Variants in SGPL1 observed in about 807,000 individuals in gnomAD.
SGPL1 encodes sphingosine-1-phosphate lyase 1, also known as SP-lyase 1.
A neutral mutation model predicts 68.9 loss-of-function variants in SGPL1; 37 were observed. The ratio of observed to expected loss-of-function variants is 0.54; its 90% CI spans 0.41 to 0.71. SGPL1 has a LOEUF of 0.71. Ranked by LOEUF, SGPL1 falls within the 30% of genes least tolerant of loss-of-function variation. The pLI is 0.00. For synonymous variants in SGPL1, 236 were observed against 248.5 expected (o/e 0.95, Z 0.47); for missense variants, 551 against 704.6 (o/e 0.78, Z 2.47).
intron 5 of SGPL1, among the ~76,000 whole-genome samples, chr10:70,856,225 A>G (rs1845961295): frequency 6.6e-6 from 1 of 152,162 alleles, no homozygotes; most frequent in Non-Finnish European, 1.5e-5. Flanking sequence ...CGAACTCCTG[A>G]ACTCAGGTGA....
chr10:70,836,635 G>A (rs1271707945), intron 2 of SGPL1, among the ~76,000 whole-genome samples: 1 of 152,046 alleles, frequency 6.6e-6, no homozygotes, highest in Admixed American at 6.5e-5. Context: ...GAGTGCAGTA[G>A]CATGCTCATA....
At chr10:70,872,447 T>G (rs79739798) in intron 11 of SGPL1, among the ~76,000 whole-genome samples, 10,088 of 152,142 alleles carry the variant, frequency 0.066, 445 homozygotes, top group African/African-American at 0.095. Context: ...CTTTGGAAAA[T>G]GGGAAGAACC....
At chr10:70,857,766 T>C in intron 6 of SGPL1, 76 bp downstream of exon 6, 1 of 936,332 alleles carries the variant, frequency 1.1e-6, no homozygotes. Flanking sequence ...CCCTTACTTT[T>C]GTAATTAGAA....
At chr10:70,868,609 A>T (rs1846236603) in intron 8 of SGPL1, among the ~76,000 whole-genome samples, 176 bp downstream of exon 8, 1 of 152,146 alleles carries the variant, frequency 6.6e-6, no homozygotes, top group South Asian at 2.1e-4. Flanking sequence ...GTAAAATTCT[A>T]AATGGATCAG....
At chr10:70,842,293 G>A (rs1481418190) in intron 2 of SGPL1, among the ~76,000 whole-genome samples, 1 of 152,070 alleles carries the variant, frequency 6.6e-6, no homozygotes, top group Non-Finnish European at 1.5e-5. Flanking sequence ...AGATTGCTAG[G>A]TCAAAACGAA....
At chr10:70,850,728 C>G (rs1845865157) in intron 3 of SGPL1, among the ~76,000 whole-genome samples, 1 of 152,146 alleles carries the variant, frequency 6.6e-6, no homozygotes, top group Non-Finnish European at 1.5e-5. Flanking sequence ...TGAGGATGCA[C>G]TGATCTTTAA....
At chr10:70,875,597 A>G in intron 13 of SGPL1, 49 bp downstream of exon 13, 3 of 1,526,522 alleles carry the variant, frequency 2.0e-6, no homozygotes, top group South Asian at 1.2e-5. Flanking sequence ...TGATTTTGGA[A>G]GAACTTGGGT....
intron 3 of SGPL1, 69 bp downstream of exon 3, chr10:70,844,707 T>G: frequency 7.1e-7 from 1 of 1,400,182 alleles, no homozygotes; most frequent in East Asian, 2.3e-5. Context: ...TGCTGAGAGA[T>G]AGGACTAATT....
At chr10:70,828,250 C>T (rs1009183631) in intron 2 of SGPL1, among the ~76,000 whole-genome samples, 1 of 152,220 alleles carries the variant, frequency 6.6e-6, no homozygotes, top group African/African-American at 2.4e-5. Context: ...TTTCTGTCAT[C>T]TGCATACCAC....
In SGPL1 at chr10:70,873,468, G is replaced by T. The variant is rs1424789400; in HGVS notation, c.1177G>T (p.Ala393Ser). Residue 393 changes from alanine (A) to serine (S), a missense_variant, in exon 12 of 15, where the codon GCA (alanine) becomes TCA (serine). Physicochemically the swap from Ala to Ser is moderately conservative, Grantham distance 99. Coordinates refer to ENST00000373202, the MANE Select transcript of SGPL1 (RefSeq NM_003901.4). The part of the protein sequence containing the change: ...QGGIYASPTI[A>S]GSRPGGISAA... ...TGGCATCTATGCTTCCCCAACCATC[G>T]CAGGCTCACGGCCTGGTGGCATTAG... 2 of 1,614,108 alleles carry T rather than the reference G, an allele frequency of 1.2e-6. No homozygotes were observed. The highest frequency in any genetic ancestry group is 2.7e-5 in the African/African-American group (2 of 74,942).
chr10:70,826,335 C>G (rs1288743668), intron 2 of SGPL1, among the ~76,000 whole-genome samples: 2 of 152,122 alleles, frequency 1.3e-5, no homozygotes, highest in Non-Finnish European at 2.9e-5. Context: ...AAGGCCATTC[C>G]TGAGTCTTTG....
rs201814090 is a variant in SGPL1 at position 70,869,745 on chromosome 10, A to G, written c.705-47A>G. On this transcript the variant is annotated intron_variant, in intron 8 of 14. Transcript: ENST00000373202. ...AGATTAGCTGCTAATGGTGTTTTCT[A>G]TTATTTTGGCCTGAGTTACATTATT... is the stretch of plus-strand genomic sequence containing the variant. The G allele has an allele frequency of 5.0e-4, 697 of 1,405,182 alleles. No individual in the cohort carries two copies. In the African/African-American group the frequency reaches 9.2e-3, roughly 19 times the overall value. The allele number at this position is 1,405,182 out of a possible 1,614,324, so 87.0% of individuals were successfully genotyped here. A position where few individuals can be genotyped will look rare whatever the true frequency, so the allele number is the denominator to read the frequency against.
intron 3 of SGPL1, among the ~76,000 whole-genome samples, chr10:70,848,610 G>A (rs1164478656): frequency 2.6e-5 from 4 of 151,790 alleles, no homozygotes; most frequent in South Asian, 2.1e-4. Context: ...GATTACAGGC[G>A]CGTGCCATCA....
At chr10:70,819,787 TG>T (rs941884580) in intron 2 of SGPL1, among the ~76,000 whole-genome samples, 2 of 152,112 alleles carry the variant, frequency 1.3e-5, no homozygotes, top group Non-Finnish European at 2.9e-5. Flanking sequence ...CATGCCACCA[TG>T]CCCGGCTGAT....
intron 2 of SGPL1, among the ~76,000 whole-genome samples, chr10:70,837,082 T>C (rs1349531125): frequency 6.7e-6 from 1 of 150,314 alleles, no homozygotes; most frequent in African/African-American, 2.5e-5. Context: ...AAAAAGTTAA[T>C]GCTTTTTTTT....
chr10:70,836,960 T>C (rs999311941), intron 2 of SGPL1, among the ~76,000 whole-genome samples: 11 of 152,126 alleles, frequency 7.2e-5, no homozygotes, highest in Non-Finnish European at 1.3e-4. Flanking sequence ...GAAAGCCATT[T>C]AGAGTTTTAA....
chr10:70,849,845 A>G (rs536538419), intron 3 of SGPL1, among the ~76,000 whole-genome samples: 4 of 152,230 alleles, frequency 2.6e-5, no homozygotes, highest in Non-Finnish European at 4.4e-5. Flanking sequence ...TTGAAGCAGT[A>G]TAGAATCCTG....
At chr10:70,851,064 GAC>G in intron 3 of SGPL1, 77 bp from the exon 4 acceptor site, 1 of 1,082,038 alleles carries the variant, frequency 9.2e-7, no homozygotes, top group South Asian at 1.3e-5. Flanking sequence ...TGAGGTGGAA[GAC>G]ACATTGAATG....
intron 2 of SGPL1, among the ~76,000 whole-genome samples, chr10:70,819,960 A>G (rs1303076086): frequency 1.3e-5 from 2 of 152,154 alleles, no homozygotes; most frequent in South Asian, 4.1e-4. Context: ...TATATTATAC[A>G]TGAATCTGTT....
Sources: gnomAD v4.1 joint callset for allele counts (sites outside exome capture counted in the v4.1 genomes callset) on GRCh38, gnomAD v4.1.1 for gene constraint, MANE v1.5 for transcripts, NCBI Gene and HGNC (gene_info 2026-07-23, HGNC 2026-07-21) for gene names.